The following EFCAB6 variants were observed in gnomAD, a reference collection of about 807,000 sequenced individuals.
The protein encoded by EFCAB6 is EF-hand calcium binding domain 6, also known as EF-hand calcium-binding domain-containing protein 6.
EFCAB6 carries 156 observed loss-of-function variants against 169.8 expected under a neutral mutation model. The observed-to-expected ratio is 0.92, with a 90% CI of 0.81 to 1.05. EFCAB6 has a LOEUF of 1.05. Among genes scored for constraint, EFCAB6 ranks in the 50% least tolerant of loss-of-function variants. EFCAB6 has a pLI of 0.00. For synonymous variants in EFCAB6, 698 were observed against 676.4 expected (o/e 1.03, Z -0.50); for missense variants, 1,800 against 1,829.1 (o/e 0.98, Z 0.29).
intron 10 of EFCAB6, among the ~76,000 whole-genome samples, chr22:43,700,166 T>G (rs1275566198): frequency 6.6e-6 from 1 of 152,272 alleles, no homozygotes; most frequent in East Asian, 1.9e-4. Flanking sequence ...ACTACACACA[T>G]GCACATACAC....
intron 17 of EFCAB6, among the ~76,000 whole-genome samples, chr22:43,636,861 C>T (rs2055441878): frequency 6.6e-6 from 1 of 152,100 alleles, no homozygotes; most frequent in African/African-American, 2.4e-5. Context: ...CCGCCTGCCT[C>T]AGCCTCCCAA....
intron 22 of EFCAB6, among the ~76,000 whole-genome samples, chr22:43,604,514 C>T (rs2147578550): frequency 6.6e-6 from 1 of 152,332 alleles, no homozygotes; most frequent in African/African-American, 2.4e-5. Flanking sequence ...TCTGACATCG[C>T]ATCCCACTGA....
intron 2 of EFCAB6, among the ~76,000 whole-genome samples, chr22:43,787,917 GGA>G (rs1368293290): frequency 6.6e-6 from 1 of 152,164 alleles, no homozygotes; most frequent in Non-Finnish European, 1.5e-5. Context: ...ATAGATCAAT[GGA>G]ATAGAATTGA....
At chr22:43,780,671 C>A (rs1439186799) in intron 3 of EFCAB6, among the ~76,000 whole-genome samples, 2 of 152,068 alleles carry the variant, frequency 1.3e-5, no homozygotes, top group Non-Finnish European at 2.9e-5. Flanking sequence ...ATGTCAGAAA[C>A]TACTAAGCTA....
chr22:43,646,272 G>A (rs1008831534), intron 17 of EFCAB6, among the ~76,000 whole-genome samples: 3 of 152,136 alleles, frequency 2.0e-5, no homozygotes, highest in South Asian at 2.1e-4. Context: ...GCCTCTGCAC[G>A]CCTTTATGTT....
intron 8 of EFCAB6, among the ~76,000 whole-genome samples, chr22:43,726,129 A>G (rs1422212274): frequency 6.6e-6 from 1 of 152,174 alleles, no homozygotes; most frequent in Non-Finnish European, 1.5e-5. Flanking sequence ...ACATAAAATA[A>G]TGCATTATTA....
At position 43,580,626 on chromosome 22, in the gene EFCAB6, A is replaced by C. The variant is rs752721894; in HGVS notation, c.3066T>G (p.Asn1022Lys). 6.2e-7 allele frequency: 1 copy of C among 1,614,160 alleles called. No homozygotes were observed. Among genetic ancestry groups the C allele is most frequent in the South Asian group, 1.1e-5 (1 of 91,080 alleles). Residue 1022 changes from asparagine to lysine, a missense_variant, in exon 25 of 32, where the codon AAT (asparagine) becomes AAG (lysine). Coordinates refer to ENST00000262726, the MANE Select transcript of EFCAB6 (RefSeq NM_022785.4). Reference sequence around the variant, plus strand: ...CCACTGCTCTCAGGAAGTCGAGGTAATTGATAGCATTATCATGCCGGCTGA... The same window carrying C: ...CCACTGCTCTCAGGAAGTCGAGGTACTTGATAGCATTATCATGCCGGCTGA... ...WGVSRHDNAINYLDFLRAVEN... is the reference protein window; with the variant it reads ...WGVSRHDNAIKYLDFLRAVEN...
At chr22:43,754,414 G>A (rs2060882264) in intron 6 of EFCAB6, among the ~76,000 whole-genome samples, 1 of 152,154 alleles carries the variant, frequency 6.6e-6, no homozygotes, top group African/African-American at 2.4e-5. Context: ...CCCAGGGTTG[G>A]GGTCATAGGT....
chr22:43,655,659 A>G (rs762956021), intron 17 of EFCAB6, among the ~76,000 whole-genome samples: 7 of 152,228 alleles, frequency 4.6e-5, no homozygotes, highest in East Asian at 1.9e-4. Flanking sequence ...AGATAATTAA[A>G]TATGTATAGA....
intron 31 of EFCAB6, 118 bp downstream of exon 31, chr22:43,530,697 G>T: frequency 6.5e-7 from 1 of 1,529,454 alleles, no homozygotes; most frequent in Non-Finnish European, 8.8e-7. Context: ...GAGATCTGAA[G>T]CAGCCAGGTC....
At chr22:43,761,555 C>T (rs571795989) in intron 5 of EFCAB6, among the ~76,000 whole-genome samples, 1 of 152,296 alleles carries the variant, frequency 6.6e-6, no homozygotes, top group African/African-American at 2.4e-5. Context: ...CATTTTATTG[C>T]CTGTTTTGCA....
intron 22 of EFCAB6, among the ~76,000 whole-genome samples, chr22:43,600,635 T>C (rs2052433161): frequency 2.0e-5 from 3 of 147,724 alleles, no homozygotes; most frequent in African/African-American, 7.6e-5. Flanking sequence ...AACCCCTCCA[T>C]ACGTTTAGCA....
rs879765243 is a variant in EFCAB6 at position 43,628,611 on chromosome 22, G to A, written c.2233-1932C>T. On this transcript the variant is annotated intron_variant, in intron 19 of 31. Coordinates refer to ENST00000262726, the MANE Select transcript of EFCAB6 (RefSeq NM_022785.4). This position sits in a 1 kb window ranked among gnomAD's most constrained non-coding sequence, Gnocchi z 4.8. ...GCCTGTCTACACCCCCATCCCACCC[G>A]TCCCCTCACTGTTCTCTGAACAGGC... Among the ~76,000 whole-genome samples the A allele has an allele frequency of 1.4e-5, 2 of 145,266 alleles. No homozygotes were observed. Among genetic ancestry groups the A allele is most frequent in the East Asian group, 4.6e-4 (2 of 4,370 alleles).
chr22:43,706,256 C>A (rs932269228), intron 10 of EFCAB6, among the ~76,000 whole-genome samples: 4 of 152,210 alleles, frequency 2.6e-5, no homozygotes, highest in African/African-American at 4.8e-5. Flanking sequence ...CAGGGGCCTG[C>A]TCCTGGGAGG....
rs141927989 is a variant in EFCAB6 at position 43,545,951 on chromosome 22, A to T, written c.3649-5594T>A. 5.2e-3 allele frequency among the ~76,000 whole-genome samples: 790 copies of T among 152,168 alleles called. 4 individuals carry two copies. Among genetic ancestry groups the T allele is most frequent in the Middle Eastern group, 0.041 (12 of 294 alleles). On this transcript the variant is annotated intron_variant, in intron 27 of 31. Coordinates refer to ENST00000262726, the MANE Select transcript of EFCAB6 (RefSeq NM_022785.4). ...TCATGAAATAAAAATCACTAAACAC[A>T]TGAAGAGGCAAGTCACCATAAACAT... is the stretch of plus-strand genomic sequence containing the variant.
intron 23 of EFCAB6, among the ~76,000 whole-genome samples, chr22:43,598,311 G>GAAAAAA (rs57712759): frequency 1.8e-5 from 2 of 112,850 alleles, no homozygotes; most frequent in African/African-American, 7.1e-5. Flanking sequence ...CTGTCTCCGG[G>GAAAAAA]AAAAAAAAAA....
intron 27 of EFCAB6, among the ~76,000 whole-genome samples, chr22:43,546,119 G>A (rs901521823): frequency 1.3e-5 from 2 of 152,230 alleles, no homozygotes; most frequent in Middle Eastern, 3.4e-3. Flanking sequence ...ATAGCTAAAG[G>A]AGTAAACACT....
chr22:43,720,113 A>G (rs1467756297), intron 8 of EFCAB6, among the ~76,000 whole-genome samples: 3 of 152,164 alleles, frequency 2.0e-5, no homozygotes, highest in Non-Finnish European at 2.9e-5. Flanking sequence ...AAATCACCAC[A>G]TTGTACATCT....
chr22:43,751,240 G>A (rs1022565000), intron 6 of EFCAB6, among the ~76,000 whole-genome samples: 43 of 152,148 alleles, frequency 2.8e-4, no homozygotes, highest in African/African-American at 8.9e-4. Context: ...AACATACACT[G>A]TATTCCTATA....
Sources: gnomAD v4.1 joint callset for allele counts (sites outside exome capture counted in the v4.1 genomes callset) on GRCh38, gnomAD v4.1.1 for gene constraint, Gnocchi (gnomAD v3.1) non-coding constraint, MANE v1.5 for transcripts, NCBI Gene and HGNC (gene_info 2026-07-23, HGNC 2026-07-21) for gene names.